The following PLCB4 variants were observed in gnomAD, a reference collection of about 807,000 sequenced individuals.
The protein encoded by PLCB4 is 1-phosphatidylinositol 4,5-bisphosphate phosphodiesterase beta-4.
A neutral mutation model predicts 178.8 loss-of-function variants in PLCB4; 77 were observed. That is an observed-to-expected ratio of 0.43 (90% CI 0.36 to 0.52). PLCB4 has a LOEUF of 0.52. PLCB4 is among the 20% of genes least tolerant of loss of function. The pLI is 0.00. For missense variants in PLCB4, 1,024 were observed against 1,453.4 expected, an observed-to-expected ratio of 0.70 and a Z score of 4.80; for synonymous variants, 496 against 490.8, an observed-to-expected ratio of 1.01 and a Z score of -0.14.
Position 9,390,147 on chromosome 20 carries a change from CA to C in PLCB4, c.1238+195del, listed in dbSNP as rs144208546. ...AAACAACAAAAAAAGGAAAAAACGA[CA>C]AAAAACCACCCTTGTCCCCCCAAAC... On this transcript the variant is annotated intron_variant, in intron 16 of 39. Coordinates refer to ENST00000378473, the MANE Select transcript of PLCB4 (RefSeq NM_001377142.1). 4.6e-4 allele frequency among the ~76,000 whole-genome samples: 70 copies of C among 152,246 alleles called. 2 individuals carry two copies. In the East Asian group the frequency reaches 0.014, roughly 29 times the overall value.
rs1866566038 is a variant in PLCB4, at chr20:9,390,605, A to C, written c.1313A>C (p.Glu438Ala). 2 of 1,494,260 alleles carry C rather than the reference A, an allele frequency of 1.3e-6. No individual in the cohort carries two copies. The highest frequency in any genetic ancestry group is 1.4e-5 in the African/African-American group (1 of 72,514). 92.6% of individuals were successfully genotyped at this position (1,494,260 alleles called of 1,614,324 possible). A position where few individuals can be genotyped will look rare whatever the true frequency, so the allele number is the denominator to read the frequency against. ...GATCTCCTGTTGAAACAAGCACTTG[A>C]ATCACATCCAGTATGTATTTTTAAC... Reference protein sequence around the residue: ...FGDLLLKQALESHPLEPGRAL... With the variant: ...FGDLLLKQALASHPLEPGRAL... The change falls in exon 17 of 40, where the codon GAA becomes GCA. Residue 438 changes from glutamate (E) to alanine (A), a missense_variant. By Grantham distance (107) the Glu-to-Ala change is moderately radical. This residue lies in a region of PLCB4 where 263 missense variants were observed against 417.4 expected (regional missense o/e 0.63). Transcript: ENST00000378473.
At chr20:9,300,769 G>A (rs1170519150) in intron 3 of PLCB4, among the ~76,000 whole-genome samples, 1 of 152,092 alleles carries the variant, frequency 6.6e-6, no homozygotes, top group Non-Finnish European at 1.5e-5. Context: ...AGAGCAGTCT[G>A]TACTGCATTC....
At chr20:9,243,243 A>C (rs887745518) in intron 3 of PLCB4, among the ~76,000 whole-genome samples, 10 of 152,176 alleles carry the variant, frequency 6.6e-5, no homozygotes, top group Admixed American at 5.9e-4. Flanking sequence ...AGGTTAAAGA[A>C]ATTAACTTGA....
At chr20:9,325,182 T>G (rs2030270464) in intron 4 of PLCB4, among the ~76,000 whole-genome samples, 1 of 152,212 alleles carries the variant, frequency 6.6e-6, no homozygotes. Context: ...ACAAAGCACG[T>G]CTCCTGTTTT....
At chr20:9,196,576 A>G (rs1428986926) in intron 2 of PLCB4, among the ~76,000 whole-genome samples, 1 of 152,200 alleles carries the variant, frequency 6.6e-6, no homozygotes, top group Non-Finnish European at 1.5e-5. Context: ...TGGGTGGACA[A>G]TTTAGGTATA....
At chr20:9,106,048 A>G (rs1436412170) in intron 2 of PLCB4, among the ~76,000 whole-genome samples, 1 of 152,102 alleles carries the variant, frequency 6.6e-6, no homozygotes, top group Non-Finnish European at 1.5e-5. Context: ...ATTTACAAAC[A>G]ATATGATCAA....
chr20:9,463,247 A>C (rs955742599), intron 35 of PLCB4, among the ~76,000 whole-genome samples: 1 of 152,166 alleles, frequency 6.6e-6, no homozygotes, highest in Non-Finnish European at 1.5e-5. Context: ...GGCCTGCCTT[A>C]TAAGAGCTCC....
intron 2 of PLCB4, among the ~76,000 whole-genome samples, chr20:9,126,006 G>T (rs2092103547): frequency 2.0e-5 from 3 of 151,912 alleles, no homozygotes; most frequent in Admixed American, 2.0e-4. Context: ...GGACAAATTT[G>T]TGTGTGTGTG....
At chr20:9,170,503 T>C (rs955415719) in intron 2 of PLCB4, among the ~76,000 whole-genome samples, 4 of 152,188 alleles carry the variant, frequency 2.6e-5, no homozygotes, top group Non-Finnish European at 5.9e-5. Context: ...TTCTTTGGGC[T>C]GACACACCTG....
At chr20:9,331,995 A>G (rs978633103) in intron 4 of PLCB4, among the ~76,000 whole-genome samples, 3 of 152,212 alleles carry the variant, frequency 2.0e-5, no homozygotes, top group Non-Finnish European at 4.4e-5. Flanking sequence ...TAGTGGCCTA[A>G]GAGTTGGGCT....
At chr20:9,278,848 A>G (rs536454170) in intron 3 of PLCB4, among the ~76,000 whole-genome samples, 7 of 152,170 alleles carry the variant, frequency 4.6e-5, no homozygotes, top group African/African-American at 1.7e-4. Context: ...AGGCCTGTTC[A>G]TTTATTCATT....
intron 7 of PLCB4, among the ~76,000 whole-genome samples, chr20:9,360,696 G>C (rs1824805505): frequency 6.6e-6 from 1 of 152,220 alleles, no homozygotes; most frequent in Non-Finnish European, 1.5e-5. Context: ...TAGCCTGACA[G>C]AGGAAGTGAG....
intron 12 of PLCB4, among the ~76,000 whole-genome samples, chr20:9,376,178 G>C (rs374155979): frequency 1.8e-4 from 28 of 152,192 alleles, no homozygotes; most frequent in African/African-American, 6.3e-4. Flanking sequence ...GCTCCCCAAA[G>C]TGTGATCCAT....
intron 3 of PLCB4, among the ~76,000 whole-genome samples, chr20:9,278,116 C>T (rs2094465509): frequency 6.6e-6 from 1 of 151,980 alleles, no homozygotes; most frequent in South Asian, 2.1e-4. Flanking sequence ...TCAGAGCAAA[C>T]AGAATTCCAG....
intron 3 of PLCB4, among the ~76,000 whole-genome samples, chr20:9,266,579 A>G (rs2094351540): frequency 6.6e-6 from 1 of 152,188 alleles, no homozygotes; most frequent in Admixed American, 6.5e-5. Context: ...AGCCTTTTTA[A>G]AAAACATTCC....
At chr20:9,171,861 A>G (rs542174738) in intron 2 of PLCB4, among the ~76,000 whole-genome samples, 2 of 152,270 alleles carry the variant, frequency 1.3e-5, no homozygotes, top group African/African-American at 2.4e-5. Context: ...TTAAGCCTCA[A>G]TGGAATGGAA....
At chr20:9,351,620 G>A (rs889360189) in intron 7 of PLCB4, among the ~76,000 whole-genome samples, 3 of 152,136 alleles carry the variant, frequency 2.0e-5, no homozygotes, top group Non-Finnish European at 2.9e-5. Flanking sequence ...AAAAGACAGA[G>A]AACCAGGTAA....
At chr20:9,207,701 T>C (rs552743832) in intron 2 of PLCB4, among the ~76,000 whole-genome samples, 1 of 152,334 alleles carries the variant, frequency 6.6e-6, no homozygotes, top group South Asian at 2.1e-4. Context: ...TGCTCCACAA[T>C]AGGAAAGGGA....
In PLCB4 at chr20:9,187,477, T is replaced by G. The variant is rs140339145; in HGVS notation, c.-78-29913T>G. Among the ~76,000 whole-genome samples, 4 of 152,318 alleles carry G rather than the reference T, an allele frequency of 2.6e-5. No homozygotes were observed. The East Asian group carries it at 7.7e-4, about 29-fold the overall frequency. Reference sequence around the variant, plus strand: ...TGTGCGTTGCTTCATTTCAAGGACATAACTATGTAAACTTCCATGCCAGAC... The same window carrying G: ...TGTGCGTTGCTTCATTTCAAGGACAGAACTATGTAAACTTCCATGCCAGAC... On this transcript the variant is annotated intron_variant, in intron 2 of 39. Coordinates refer to ENST00000378473, the MANE Select transcript of PLCB4 (RefSeq NM_001377142.1).
Sources: gnomAD v4.1 joint callset for allele counts (sites outside exome capture counted in the v4.1 genomes callset) on GRCh38, gnomAD v4.1.1 for gene constraint, gnomAD v4.1.1 regional missense constraint, MANE v1.5 for transcripts, NCBI Gene and HGNC (gene_info 2026-07-23, HGNC 2026-07-21) for gene names.